Variants in ABR observed in about 807,000 individuals in gnomAD.
The protein encoded by ABR is active breakpoint cluster region-related protein.
Under a neutral mutation model 107.2 loss-of-function variants are expected in ABR, and 35 were observed. The observed-to-expected ratio is 0.33, with a 90% CI of 0.25 to 0.43. The LOEUF (loss-of-function observed/expected upper bound fraction) is 0.43, where lower values mean the gene tolerates loss of function less well. Ranked by LOEUF, ABR falls within the 20% of genes least tolerant of loss-of-function variation. The pLI, the probability that ABR is intolerant of heterozygous loss-of-function variation, is 1.00. For missense variants in ABR, 815 were observed against 1,115.2 expected (o/e 0.73, Z 3.83); for synonymous variants, 498 against 462.0 (o/e 1.08, Z -1.00).
Position 1,008,282 on chromosome 17 carries a change from GT to G in ABR, c.2343-971del, listed in dbSNP as rs1437237624. Among the ~76,000 whole-genome samples the G allele has an allele frequency of 2.6e-5, 4 of 152,232 alleles. No individual in the cohort carries two copies. In the South Asian group the frequency reaches 8.3e-4, roughly 31 times the overall value. On this transcript the variant is annotated intron_variant, in intron 21 of 22. Coordinates refer to ENST00000302538, the MANE Select transcript of ABR (RefSeq NM_021962.5). Reference sequence around the variant, plus strand: ...TGGTTCTCCTTCAGTCTCAAAAAATGTTTCTGGGCTGAGACCCACCCACCCT... The same window carrying G: ...TGGTTCTCCTTCAGTCTCAAAAAATGTTCTGGGCTGAGACCCACCCACCCT...
chr17:1,152,031 T>C (rs1034677053), intron 1 of ABR, among the ~76,000 whole-genome samples: 3 of 149,870 alleles, frequency 2.0e-5, no homozygotes, highest in African/African-American at 5.1e-5. Context: ...GGTGAGCACC[T>C]GTAGTCCCAG....
At chr17:1,211,918 T>G (rs2042910344) in intron 1 of ABR, among the ~76,000 whole-genome samples, 1 of 149,850 alleles carries the variant, frequency 6.7e-6, no homozygotes, top group East Asian at 2.0e-4. Flanking sequence ...CCGTCTCTAC[T>G]AAAAATACAA....
At chr17:1,057,307 T>G (rs1314701618) in intron 12 of ABR, among the ~76,000 whole-genome samples, 1 of 12,942 alleles carries the variant, frequency 7.7e-5, no homozygotes, top group African/African-American at 2.7e-4. Flanking sequence ...ACTGAAGAGG[T>G]TTGTGTGTGT....
chr17:1,077,472 T>C (rs2035827191), intron 6 of ABR, among the ~76,000 whole-genome samples: 1 of 152,084 alleles, frequency 6.6e-6, no homozygotes, highest in African/African-American at 2.4e-5. Context: ...AAAAAGACCA[T>C]TTCTCCTCTG....
intron 1 of ABR, among the ~76,000 whole-genome samples, chr17:1,222,756 T>C (rs2043141617): frequency 6.6e-6 from 1 of 151,292 alleles, no homozygotes. Flanking sequence ...TACAAAAAAT[T>C]AAAAATTAGC....
chr17:1,053,819 C>T (rs1242888125), intron 14 of ABR, among the ~76,000 whole-genome samples: 2 of 124,134 alleles, frequency 1.6e-5, no homozygotes, highest in Non-Finnish European at 3.5e-5. Context: ...GAGGGAGGGG[C>T]GGCATCTGGG....
chr17:1,183,065 C>T (rs542426023), upstream of ABR, among the ~76,000 whole-genome samples: 8 of 152,166 alleles, frequency 5.3e-5, no homozygotes, highest in Non-Finnish European at 1.2e-4. Flanking sequence ...GAGTCCTTCT[C>T]CTCCGGGCTT....
chr17:1,207,706 C>A (rs2042818844), intron 1 of ABR, among the ~76,000 whole-genome samples: 1 of 151,192 alleles, frequency 6.6e-6, no homozygotes, highest in African/African-American at 2.4e-5. Context: ...GAATCACAGA[C>A]CTTATGACTT....
intron 1 of ABR, among the ~76,000 whole-genome samples, chr17:1,205,111 A>AGGC (rs1199098560): frequency 1.3e-5 from 2 of 152,024 alleles, no homozygotes; most frequent in Non-Finnish European, 1.5e-5. Flanking sequence ...CATGTAAGCC[A>AGGC]GGCAGCTCTC....
At position 1,007,258 on chromosome 17, in the gene ABR, C is replaced by T; in HGVS notation, c.2397G>A (p.Val799=). The T allele has an allele frequency of 1.2e-6, 2 of 1,614,188 alleles. No individual in the cohort carries two copies. The highest frequency in any genetic ancestry group is 8.5e-7 in the Non-Finnish European group (1 of 1,180,008). ...AGGGTCTCAGTAACGTGGGTCCAAA[C>T]ACGGTAGCCAGGTTGTGAAGTGACA... ...NKMSLHNLAT[V]FGPTLLRPSE... Residue 799 remains valine, a synonymous_variant, in exon 22 of 23, where the codon GTG becomes GTA. Transcript: ENST00000302538.
chr17:1,139,997 G>T (rs1224050941), intron 1 of ABR, among the ~76,000 whole-genome samples: 1 of 152,186 alleles, frequency 6.6e-6, no homozygotes, highest in African/African-American at 2.4e-5. Flanking sequence ...ACTGCAGAGG[G>T]CCTGGAACAC....
In ABR at chr17:1,125,194, G is replaced by T. The variant is rs778184872; in HGVS notation, c.235C>A (p.Leu79Met). 2.5e-6 allele frequency: 4 copies of T among 1,586,920 alleles called. No homozygotes were observed. The South Asian group carries it at 4.5e-5, about 18-fold the overall frequency. The change falls in exon 2 of 23, where the codon CTG becomes ATG. Residue 79 changes from leucine (L) to methionine (M), a missense_variant. This residue lies in a region of ABR where 129 missense variants were observed against 124.8 expected (regional missense o/e 1.03). Transcript: ENST00000302538. ...GCCGGTGTACCTACCCCAGGAGCCAGTCCCTCAGGTGGAGTCGGGGAGACG... is the reference window on the plus strand; with the variant it reads ...GCCGGTGTACCTACCCCAGGAGCCATTCCCTCAGGTGGAGTCGGGGAGACG... ...DGVSPTPPEG[L>M]APGVEAGKGL...
chr17:1,086,754 G>A (rs1040198876), intron 4 of ABR, among the ~76,000 whole-genome samples: 10 of 152,102 alleles, frequency 6.6e-5, no homozygotes, highest in East Asian at 3.9e-4. Context: ...ACCCGCCTCC[G>A]CCTCCCAAAG....
rs2070006545 is a variant in ABR, at chr17:1,006,101, C to T, written c.2559G>A (p.Leu853=). The T allele has an allele frequency of 1.3e-6, 2 of 1,577,828 alleles. No individual in the cohort carries two copies. Among genetic ancestry groups the T allele is most frequent in the East Asian group, 2.3e-5 (1 of 43,104 alleles). Reference sequence around the variant, plus strand: ...CGGGCTACACGTCGGTGGAGAAGTACAGTGTGTTCCGCTTGAGTTCTGCGA... The same window carrying T: ...CGGGCTACACGTCGGTGGAGAAGTATAGTGTGTTCCGCTTGAGTTCTGCGA... The part of the protein sequence containing the change: ...ISFAELKRNT[L]YFSTDV Residue 853 remains leucine, a synonymous_variant, in exon 23 of 23, where the codon CTG becomes CTA. Transcript: ENST00000302538.
intron 16 of ABR, among the ~76,000 whole-genome samples, chr17:1,038,267 C>T (rs1052723636): frequency 2.0e-5 from 3 of 152,084 alleles, no homozygotes; most frequent in East Asian, 1.9e-4. Flanking sequence ...GCAGTTCTCC[C>T]GAAGGCCTCG....
intron 16 of ABR, among the ~76,000 whole-genome samples, chr17:1,036,784 C>T (rs908709352): frequency 2.0e-5 from 3 of 152,150 alleles, no homozygotes; most frequent in Non-Finnish European, 4.4e-5. Flanking sequence ...TTTCCTGTAC[C>T]GACCCTAACC....
chr17:1,078,521 A>T lies in ABR; in HGVS notation c.700+809T>A, dbSNP rs192628306. ...CAGCTCGTCGCCGTCTCTCCCTAAC[A>T]GCCCCTCCAGGAAGTTCTCTCACAC... On this transcript the variant is annotated intron_variant, in intron 6 of 22. Transcript: ENST00000302538. The surrounding 1 kb of genome is among the most constrained non-coding windows in gnomAD (Gnocchi z 7.5). Among the ~76,000 whole-genome samples the T allele has an allele frequency of 6.6e-6, 1 of 152,064 alleles. No homozygotes were observed. The highest frequency in any genetic ancestry group is 1.9e-4 in the East Asian group (1 of 5,136).
intron 1 of ABR, among the ~76,000 whole-genome samples, chr17:1,212,469 G>A (rs952941264): frequency 6.6e-6 from 1 of 151,992 alleles, no homozygotes; most frequent in African/African-American, 2.4e-5. Flanking sequence ...AAAACAAAAA[G>A]AGACGCCAGG....
At chr17:1,202,287 C>A (rs2042685560) in intron 1 of ABR, among the ~76,000 whole-genome samples, 1 of 152,198 alleles carries the variant, frequency 6.6e-6, no homozygotes, top group Non-Finnish European at 1.5e-5. Flanking sequence ...TTCGGCCTCC[C>A]AAAGTGCTGG....
Sources: gnomAD v4.1 joint callset for allele counts (sites outside exome capture counted in the v4.1 genomes callset) on GRCh38, gnomAD v4.1.1 for gene constraint, gnomAD v4.1.1 regional missense constraint, Gnocchi (gnomAD v3.1) non-coding constraint, MANE v1.5 for transcripts, NCBI Gene and HGNC (gene_info 2026-07-23, HGNC 2026-07-21) for gene names.